KDM7A: variants seen among roughly 807,000 people sequenced by gnomAD.
KDM7A encodes lysine-specific demethylase 7A.
KDM7A carries 28 observed loss-of-function variants against 114.8 expected under a neutral mutation model. The ratio of observed to expected loss-of-function variants is 0.24; its 90% CI spans 0.18 to 0.33. The LOEUF (loss-of-function observed/expected upper bound fraction) is 0.33, where lower values mean the gene tolerates loss of function less well. Ranked by LOEUF, KDM7A falls within the 10% of genes least tolerant of loss-of-function variation. The probability of loss-of-function intolerance (pLI) is 1.00; values close to 1 mark genes in which losing one functional copy is unlikely to be tolerated. For missense variants in KDM7A, 942 were observed against 1,142.5 expected, an observed-to-expected ratio of 0.82 and a Z score of 2.53; for synonymous variants, 423 against 397.8, an observed-to-expected ratio of 1.06 and a Z score of -0.75.
chr7:140,149,885 T>C (rs2116834182), intron 1 of KDM7A, among the ~76,000 whole-genome samples: 1 of 152,370 alleles, frequency 6.6e-6, no homozygotes, highest in South Asian at 2.1e-4. Context: ...GTATGCTATC[T>C]GTAATATATA....
chr7:140,121,801 T>G (rs1562951989), intron 7 of KDM7A, among the ~76,000 whole-genome samples: 1 of 152,096 alleles, frequency 6.6e-6, no homozygotes, highest in Non-Finnish European at 1.5e-5. Context: ...TATTATATAT[T>G]ATTATATATA....
At chr7:140,139,239 C>T (rs753672716) in intron 1 of KDM7A, 49 bp from the exon 2 acceptor site, 19 of 1,281,626 alleles carry the variant, frequency 1.5e-5, no homozygotes, top group East Asian at 1.2e-4. Context: ...TGAAAATCTT[C>T]GCTTAACTAT....
chr7:140,114,366 C>G (rs946634982), intron 9 of KDM7A, among the ~76,000 whole-genome samples: 27 of 152,196 alleles, frequency 1.8e-4, no homozygotes, highest in Non-Finnish European at 2.8e-4. Flanking sequence ...GACGGGGTTT[C>G]GCTGTGTTGG....
chr7:140,139,738 A>G (rs186868336), intron 1 of KDM7A, among the ~76,000 whole-genome samples: 71 of 152,350 alleles, frequency 4.7e-4, no homozygotes, highest in African/African-American at 1.6e-3. Context: ...TGACATAAAA[A>G]ACACGTAATA....
At chr7:140,099,073 A>C in intron 13 of KDM7A, 40 bp from the exon 14 acceptor site, 2 of 1,484,550 alleles carry the variant, frequency 1.3e-6, no homozygotes, top group Non-Finnish European at 1.8e-6. Flanking sequence ...ATAGTGCAAG[A>C]CTCTGTAGCC....
intron 1 of KDM7A, among the ~76,000 whole-genome samples, chr7:140,162,884 T>C (rs1794535591): frequency 6.6e-6 from 1 of 152,140 alleles, no homozygotes. Context: ...CAGAATAGAA[T>C]TCTATGCAGC....
intron 1 of KDM7A, among the ~76,000 whole-genome samples, chr7:140,150,312 G>A (rs142067371): frequency 6.6e-6 from 1 of 152,170 alleles, no homozygotes; most frequent in Non-Finnish European, 1.5e-5. Context: ...TGTTTACTGA[G>A]TCCAGTTCCT....
rs1230471949 is a variant in KDM7A at position 140,088,367 on chromosome 7, T to C, written c.*2727A>G. 5.1e-6 allele frequency: 2 copies of C among 395,086 alleles called. No homozygotes were observed. Among genetic ancestry groups the C allele is most frequent in the African/African-American group, 4.1e-5 (2 of 48,546 alleles). The allele number at this position is 395,086 out of a possible 1,614,324, so 24.5% of individuals were successfully genotyped here. A position where few individuals can be genotyped will look rare whatever the true frequency, so the allele number is the denominator to read the frequency against. On this transcript the variant is annotated 3_prime_UTR_variant, in exon 20 of 20. Transcript: ENST00000397560. ...TATTTGAAACAATACAGGAAAATTA[T>C]CATCTATTCCTATTACTAAAGTTGC...
chr7:140,108,123 C>G (rs1818370159), intron 11 of KDM7A, among the ~76,000 whole-genome samples: 1 of 152,176 alleles, frequency 6.6e-6, no homozygotes, highest in African/African-American at 2.4e-5. Flanking sequence ...TCAGCTCCAT[C>G]AGGTCATTTA....
chr7:140,119,875 A>G (rs1396020013), intron 8 of KDM7A, among the ~76,000 whole-genome samples: 1 of 152,216 alleles, frequency 6.6e-6, no homozygotes, highest in African/African-American at 2.4e-5. Context: ...CTTACTAGGT[A>G]TTTCTAGTTC....
rs111747319 is a variant in KDM7A at position 140,088,881 on chromosome 7, A to C, written c.*2213T>G. On this transcript the variant is annotated 3_prime_UTR_variant, in exon 20 of 20. Transcript: ENST00000397560. Reference sequence around the variant, plus strand: ...AATTAAATTTCATTTTAATTCATAAAAATAAAGTTTAATTTTAATTTTTGT... The same window carrying C: ...AATTAAATTTCATTTTAATTCATAACAATAAAGTTTAATTTTAATTTTTGT... The C allele has an allele frequency of 2.5e-3, 435 of 175,678 alleles. 3 individuals carry two copies. The highest frequency in any genetic ancestry group is 9.6e-3 in the African/African-American group (406 of 42,506). 10.9% of individuals were successfully genotyped at this position (175,678 alleles called of 1,614,324 possible).
At chr7:140,148,099 G>A (rs11983660) in intron 1 of KDM7A, among the ~76,000 whole-genome samples, 3 of 151,680 alleles carry the variant, frequency 2.0e-5, no homozygotes, top group South Asian at 2.1e-4. Flanking sequence ...AATCAACAGC[G>A]TATTAGCTAC....
rs544943991 is a variant in KDM7A at position 140,145,659 on chromosome 7, T to C, written c.195-6469A>G. Among the ~76,000 whole-genome samples, 45 of 152,330 alleles carry C rather than the reference T, an allele frequency of 3.0e-4. 1 individual carries two copies. The South Asian group carries it at 3.3e-3, about 11-fold the overall frequency. On this transcript the variant is annotated intron_variant, in intron 1 of 19. Transcript: ENST00000397560. ...TAAGTGTCAAAAGAAATAGGTACTA[T>C]ACTCCCACCAAAACAGAAACTCAAT...
At position 140,094,156 on chromosome 7, in the gene KDM7A, T is replaced by C. The variant is rs754000951; in HGVS notation, c.2375-18A>G. ...ATGGTATCCTAAAGAGAAGTTTTAGTTTAATTAACTTTGCACAAACTTGAT... is the reference window on the plus strand; with the variant it reads ...ATGGTATCCTAAAGAGAAGTTTTAGCTTAATTAACTTTGCACAAACTTGAT... On this transcript the variant is annotated intron_variant, in intron 17 of 19. Transcript: ENST00000397560. 1.4e-6 allele frequency: 2 copies of C among 1,404,300 alleles called. No homozygotes were observed. The highest frequency in any genetic ancestry group is 1.2e-5 in the South Asian group (1 of 86,782). 87.0% of individuals were successfully genotyped at this position (1,404,300 alleles called of 1,614,324 possible). A position where few individuals can be genotyped will look rare whatever the true frequency, so the allele number is the denominator to read the frequency against.
intron 10 of KDM7A, 101 bp from the exon 11 acceptor site, chr7:140,111,285 C>T (rs968323057): frequency 3.0e-6 from 2 of 672,116 alleles, no homozygotes; most frequent in Admixed American, 5.3e-5. Context: ...TAAACTGTTA[C>T]AGACATCGCC....
intron 5 of KDM7A, among the ~76,000 whole-genome samples, chr7:140,127,050 T>C (rs547230136): frequency 2.0e-5 from 3 of 152,204 alleles, no homozygotes; most frequent in Non-Finnish European, 4.4e-5. Flanking sequence ...AACTCCATCC[T>C]GCCGGGTTCG....
At position 140,110,017 on chromosome 7, in the gene KDM7A, T is replaced by C. The variant is rs144237031; in HGVS notation, c.1428+1078A>G. Among the ~76,000 whole-genome samples the C allele has an allele frequency of 3.0e-3, 457 of 152,340 alleles. 4 individuals are homozygous for C. The highest frequency in any genetic ancestry group is 0.01 in the African/African-American group (422 of 41,588). On this transcript the variant is annotated intron_variant, in intron 11 of 19. Transcript: ENST00000397560. ...CTTGAATTTCAGGTCATAACAAATATGGATCCTTTCATTCTTCTGATCCAT... is the reference window on the plus strand; with the variant it reads ...CTTGAATTTCAGGTCATAACAAATACGGATCCTTTCATTCTTCTGATCCAT...
intron 4 of KDM7A, among the ~76,000 whole-genome samples, chr7:140,128,816 A>G (rs769322224): frequency 6.6e-6 from 1 of 152,228 alleles, no homozygotes; most frequent in African/African-American, 2.4e-5. Context: ...ACTGCTGACA[A>G]GAAATGACAT....
At chr7:140,147,174 C>T (rs1794348129) in intron 1 of KDM7A, among the ~76,000 whole-genome samples, 1 of 151,934 alleles carries the variant, frequency 6.6e-6, no homozygotes, top group South Asian at 2.1e-4. Flanking sequence ...TTTCCACTGA[C>T]TTATGGCCTA....
Sources: gnomAD v4.1 joint callset for allele counts (sites outside exome capture counted in the v4.1 genomes callset) on GRCh38, gnomAD v4.1.1 for gene constraint, MANE v1.5 for transcripts, NCBI Gene and HGNC (gene_info 2026-07-23, HGNC 2026-07-21) for gene names.